Variants in ATRNL1 observed in about 807,000 individuals in gnomAD.
The protein encoded by ATRNL1 is attractin-like protein 1.
A neutral mutation model predicts 182.7 loss-of-function variants in ATRNL1; 95 were observed. The ratio of observed to expected loss-of-function variants is 0.52; its 90% CI spans 0.44 to 0.62. ATRNL1 has a LOEUF of 0.62. ATRNL1 is among the 20% of genes least tolerant of loss of function. The pLI is 0.00. For synonymous variants in ATRNL1, 576 were observed against 568.3 expected (o/e 1.01, Z -0.19); for missense variants, 1,471 against 1,679.5 (o/e 0.88, Z 2.17).
intron 26 of ATRNL1, among the ~76,000 whole-genome samples, chr10:115,587,226 C>G (rs1273943285): frequency 6.6e-6 from 1 of 151,934 alleles, no homozygotes; most frequent in Non-Finnish European, 1.5e-5. Context: ...TGCCCTGCCC[C>G]CAGAGGTGGA....
intron 9 of ATRNL1, among the ~76,000 whole-genome samples, chr10:115,233,514 A>T (rs1235628238): frequency 6.6e-6 from 1 of 152,112 alleles, no homozygotes; most frequent in Non-Finnish European, 1.5e-5. Context: ...TTACAGCTTT[A>T]TATTTTTCTC....
chr10:115,842,695 A>G (rs2134342411), intron 27 of ATRNL1, among the ~76,000 whole-genome samples: 1 of 147,156 alleles, frequency 6.8e-6, no homozygotes, highest in South Asian at 2.2e-4. Flanking sequence ...ATAGGCTGAC[A>G]GAATGAGAGA....
intron 19 of ATRNL1, among the ~76,000 whole-genome samples, chr10:115,349,310 A>C (rs1464547416): frequency 1.3e-5 from 2 of 152,226 alleles, no homozygotes; most frequent in African/African-American, 4.8e-5. Flanking sequence ...TAATGGTGGA[A>C]TAATGTTCCA....
chr10:115,456,327 C>T (rs1263724460), intron 21 of ATRNL1, among the ~76,000 whole-genome samples: 1 of 152,144 alleles, frequency 6.6e-6, no homozygotes, highest in African/African-American at 2.4e-5. Context: ...AGTTCATGCC[C>T]TTTGCAGGTA....
chr10:115,437,532 A>G (rs1485097406), intron 21 of ATRNL1, among the ~76,000 whole-genome samples: 4 of 151,918 alleles, frequency 2.6e-5, no homozygotes, highest in Non-Finnish European at 4.4e-5. Flanking sequence ...TTTTATTCAC[A>G]TGGGTTTTTA....
At chr10:115,659,838 C>G (rs950371354) in intron 26 of ATRNL1, among the ~76,000 whole-genome samples, 1 of 151,718 alleles carries the variant, frequency 6.6e-6, no homozygotes, top group Non-Finnish European at 1.5e-5. Context: ...CTTACAAAAC[C>G]AAAAAAGGAA....
At chr10:115,614,871 A>T (rs926046582) in intron 26 of ATRNL1, among the ~76,000 whole-genome samples, 8 of 152,088 alleles carry the variant, frequency 5.3e-5, no homozygotes, top group Non-Finnish European at 8.8e-5. Flanking sequence ...TTTGCCTGGA[A>T]TATCTTTTTC....
chr10:115,184,159 T>C (rs1554888319), intron 8 of ATRNL1, among the ~76,000 whole-genome samples: 1 of 151,486 alleles, frequency 6.6e-6, no homozygotes, highest in African/African-American at 2.4e-5. Context: ...AGAAAAATGA[T>C]ATTATTTTCA....
intron 27 of ATRNL1, among the ~76,000 whole-genome samples, chr10:115,786,605 A>G (rs1365137934): frequency 3.3e-5 from 5 of 152,106 alleles, no homozygotes; most frequent in Non-Finnish European, 5.9e-5. Flanking sequence ...TCCTAACACA[A>G]TTGAACCTCA....
chr10:115,153,330 G>C (rs1221311023), intron 5 of ATRNL1, among the ~76,000 whole-genome samples: 2 of 152,166 alleles, frequency 1.3e-5, no homozygotes, highest in African/African-American at 4.8e-5. Context: ...GAATTCGGCT[G>C]TGAATGTGTC....
chr10:115,630,851 C>G (rs892421591), intron 26 of ATRNL1, among the ~76,000 whole-genome samples: 1 of 145,650 alleles, frequency 6.9e-6, no homozygotes, highest in African/African-American at 2.6e-5. Context: ...CACACACACA[C>G]ACACACACAC....
At chr10:115,254,947 GA>G (rs1386018676) in intron 10 of ATRNL1, among the ~76,000 whole-genome samples, 1 of 152,128 alleles carries the variant, frequency 6.6e-6, no homozygotes, top group Non-Finnish European at 1.5e-5. Flanking sequence ...GATGTTTGTA[GA>G]TGTGTAGTAT....
intron 26 of ATRNL1, among the ~76,000 whole-genome samples, chr10:115,628,727 A>G (rs1323858109): frequency 6.6e-6 from 1 of 152,088 alleles, no homozygotes; most frequent in African/African-American, 2.4e-5. Flanking sequence ...TAGGTATTTG[A>G]TCAACTTTGA....
chr10:115,857,009 TCTC>T (rs1293532846), intron 28 of ATRNL1, among the ~76,000 whole-genome samples: 1 of 152,010 alleles, frequency 6.6e-6, no homozygotes, highest in Non-Finnish European at 1.5e-5. Flanking sequence ...TCCTTTTCCT[TCTC>T]CTCCTCCTTC....
intron 9 of ATRNL1, among the ~76,000 whole-genome samples, chr10:115,222,339 C>G (rs1357270607): frequency 6.6e-6 from 1 of 152,032 alleles, no homozygotes; most frequent in Non-Finnish European, 1.5e-5. Context: ...TTGTCTAACC[C>G]ACATGTGTAA....
intron 24 of ATRNL1, among the ~76,000 whole-genome samples, chr10:115,501,300 T>C (rs1849824348): frequency 1.3e-5 from 2 of 152,096 alleles, no homozygotes; most frequent in Non-Finnish European, 2.9e-5. Flanking sequence ...ATGAGTTGGG[T>C]GAATTCCTCT....
intron 27 of ATRNL1, among the ~76,000 whole-genome samples, chr10:115,775,214 G>C (rs1949093669): frequency 6.6e-6 from 1 of 152,104 alleles, no homozygotes; most frequent in South Asian, 2.1e-4. Context: ...GCTTTAGCTT[G>C]TCAGTTTACT....
chr10:115,309,061 G>A (rs1853884205), intron 17 of ATRNL1, among the ~76,000 whole-genome samples: 1 of 151,990 alleles, frequency 6.6e-6, no homozygotes, highest in African/African-American at 2.4e-5. Context: ...AAATCAGTTG[G>A]TTGTAAGTAT....
chr10:115,287,924 G>GTTTTTTT (rs11298663), intron 15 of ATRNL1, among the ~76,000 whole-genome samples: 8 of 91,020 alleles, frequency 8.8e-5, no homozygotes, highest in East Asian at 3.1e-4. Context: ...AAGATCAACT[G>GTTTTTTT]TTTTTTTTTT....
Sources: allele counts gnomAD v4.1 joint callset (sites outside exome capture counted in the v4.1 genomes callset), GRCh38; gene constraint gnomAD v4.1.1; transcripts MANE v1.5; gene names NCBI Gene and HGNC (gene_info 2026-07-23, HGNC 2026-07-21).